Variants in ZFPM2 observed in about 807,000 individuals in gnomAD.
The protein encoded by ZFPM2 is zinc finger protein ZFPM2.
Under a neutral mutation model 98.6 loss-of-function variants are expected in ZFPM2, and 20 were observed. The ratio of observed to expected loss-of-function variants is 0.20; its 90% CI spans 0.14 to 0.29. ZFPM2 has a LOEUF of 0.29. ZFPM2 is among the 10% of genes least tolerant of loss of function. ZFPM2 has a pLI of 1.00. For synonymous variants in ZFPM2, 518 were observed against 502.7 expected (o/e 1.03, Z -0.41); for missense variants, 1,310 against 1,388.6 (o/e 0.94, Z 0.90).
intron 1 of ZFPM2, among the ~76,000 whole-genome samples, chr8:105,370,899 T>G (rs1810610167): frequency 6.6e-6 from 1 of 152,172 alleles, no homozygotes; most frequent in Non-Finnish European, 1.5e-5. Context: ...TCATTCCATG[T>G]GTTGTGCTGT....
intron 3 of ZFPM2, among the ~76,000 whole-genome samples, chr8:105,557,812 A>G (rs1235331255): frequency 1.3e-5 from 2 of 152,186 alleles, no homozygotes; most frequent in African/African-American, 2.4e-5. Flanking sequence ...AATCTTTTCA[A>G]GTCAAACATC....
At chr8:105,684,238 T>C (rs1391321194) in intron 5 of ZFPM2, among the ~76,000 whole-genome samples, 1 of 152,194 alleles carries the variant, frequency 6.6e-6, no homozygotes, top group African/African-American at 2.4e-5. Flanking sequence ...TAATTTGTTA[T>C]ATACGTCCCT....
chr8:105,424,579 A>T (rs1404603831), intron 2 of ZFPM2, among the ~76,000 whole-genome samples: 4 of 152,026 alleles, frequency 2.6e-5, no homozygotes, highest in Admixed American at 6.5e-5. Context: ...ATTCTTTAAC[A>T]TAAAAAATGT....
At chr8:105,800,709 A>G (rs10093725) in intron 7 of ZFPM2, among the ~76,000 whole-genome samples, 9,060 of 152,168 alleles carry the variant, frequency 0.06, 865 homozygotes, top group African/African-American at 0.2. Context: ...TATAAAATCC[A>G]AGGCTTAGGC....
At chr8:105,411,437 A>G (rs1194755104) in intron 1 of ZFPM2, among the ~76,000 whole-genome samples, 1 of 151,842 alleles carries the variant, frequency 6.6e-6, no homozygotes, top group Non-Finnish European at 1.5e-5. Context: ...AGTGCTTGTC[A>G]CAGTGCCTAC....
intron 1 of ZFPM2, among the ~76,000 whole-genome samples, chr8:105,322,020 A>G (rs1254164474): frequency 6.6e-6 from 1 of 151,970 alleles, no homozygotes; most frequent in Non-Finnish European, 1.5e-5. Context: ...TCCTATTCCA[A>G]GACTATATTT....
At chr8:105,369,726 A>G (rs1213472144) in intron 1 of ZFPM2, among the ~76,000 whole-genome samples, 3 of 152,096 alleles carry the variant, frequency 2.0e-5, no homozygotes, top group Non-Finnish European at 4.4e-5. Flanking sequence ...ATAATTTGTA[A>G]CTTTTCTATC....
In ZFPM2 at chr8:105,328,204, T is replaced by G. The variant is rs193202538; in HGVS notation, c.40+9223T>G. On this transcript the variant is annotated intron_variant, in intron 1 of 7. Transcript: ENST00000407775. Reference sequence around the variant, plus strand: ...GAAATTTTATGCTGTTTTTAAATGCTTTTCAAAATATAGCTCAGTGAATGT... The same window carrying G: ...GAAATTTTATGCTGTTTTTAAATGCGTTTCAAAATATAGCTCAGTGAATGT... 4.2e-3 allele frequency among the ~76,000 whole-genome samples: 645 copies of G among 151,952 alleles called. 3 individuals are homozygous for G. The highest frequency in any genetic ancestry group is 0.01 in the Middle Eastern group (3 of 294).
At chr8:105,433,167 C>T (rs778225977) in intron 2 of ZFPM2, among the ~76,000 whole-genome samples, 14 of 152,156 alleles carry the variant, frequency 9.2e-5, no homozygotes, top group African/African-American at 3.4e-4. Flanking sequence ...TTCATGTGCT[C>T]GTTGAGAGAA....
intron 3 of ZFPM2, among the ~76,000 whole-genome samples, chr8:105,449,000 A>C (rs1442930276): frequency 3.3e-5 from 5 of 152,052 alleles, no homozygotes; most frequent in Admixed American, 6.6e-5. Flanking sequence ...ACTCGTATTT[A>C]GAAGGAGACT....
intron 1 of ZFPM2, among the ~76,000 whole-genome samples, chr8:105,366,855 T>C (rs1286102826): frequency 6.6e-6 from 1 of 151,202 alleles, no homozygotes; most frequent in Non-Finnish European, 1.5e-5. Flanking sequence ...TTTATGGTTT[T>C]AGGTCTAACA....
intron 3 of ZFPM2, among the ~76,000 whole-genome samples, chr8:105,544,324 G>A (rs1586450900): frequency 6.6e-6 from 1 of 152,040 alleles, no homozygotes; most frequent in African/African-American, 2.4e-5. Context: ...ATGAGGTCAG[G>A]TGCGCATTGC....
intron 3 of ZFPM2, among the ~76,000 whole-genome samples, chr8:105,464,678 A>G (rs1335647019): frequency 6.6e-6 from 1 of 151,788 alleles, no homozygotes; most frequent in African/African-American, 2.4e-5. Flanking sequence ...AACAATGTTA[A>G]ATAATTATAG....
intron 4 of ZFPM2, among the ~76,000 whole-genome samples, chr8:105,613,473 A>C (rs1164081050): frequency 6.6e-6 from 1 of 152,194 alleles, no homozygotes; most frequent in African/African-American, 2.4e-5. Flanking sequence ...TGGTAAAAAA[A>C]ATACAGGAAC....
chr8:105,544,342 T>A (rs1285420074), intron 3 of ZFPM2, among the ~76,000 whole-genome samples: 2 of 152,188 alleles, frequency 1.3e-5, no homozygotes, highest in African/African-American at 4.8e-5. Flanking sequence ...TGCCATGATT[T>A]GTAATTGGAG....
chr8:105,326,140 T>C (rs1337022444), intron 1 of ZFPM2, among the ~76,000 whole-genome samples: 1 of 151,680 alleles, frequency 6.6e-6, no homozygotes, highest in Non-Finnish European at 1.5e-5. Context: ...CAAATACTTA[T>C]TTCTAATAAG....
At chr8:105,800,826 A>T (rs1458085535) in intron 7 of ZFPM2, among the ~76,000 whole-genome samples, 1 of 152,170 alleles carries the variant, frequency 6.6e-6, no homozygotes, top group Non-Finnish European at 1.5e-5. Flanking sequence ...TTCCACTTTG[A>T]TGCCATAATA....
intron 1 of ZFPM2, chr8:105,358,491 G>A (rs1190528051): frequency 6.6e-6 from 1 of 152,370 alleles, no homozygotes; most frequent in Non-Finnish European, 1.5e-5. Context: ...GCTAATCAAA[G>A]TGTGGTCAGT....
chr8:105,642,831 A>G (rs555009268), intron 5 of ZFPM2, among the ~76,000 whole-genome samples: 1 of 152,306 alleles, frequency 6.6e-6, no homozygotes, highest in Admixed American at 6.5e-5. Context: ...TTGGTTGGAT[A>G]TTGAATGTTG....
Sources: gnomAD v4.1 joint callset for allele counts (sites outside exome capture counted in the v4.1 genomes callset) on GRCh38, gnomAD v4.1.1 for gene constraint, MANE v1.5 for transcripts, NCBI Gene and HGNC (gene_info 2026-07-23, HGNC 2026-07-21) for gene names.